The following TYW2 variants were observed in gnomAD, a reference collection of about 807,000 sequenced individuals.
TYW2 encodes tRNA wybutosine-synthesizing protein 2.
chr8:124,450,831 C>A, the TYW2 span: 1 of 1,427,700 alleles, frequency 7.0e-7, no homozygotes. Flanking sequence ...TTTCCGGCAC[C>A]GGCATGGCCG....
the TYW2 span, chr8:124,452,389 A>G: frequency 1.3e-5 from 14 of 1,050,512 alleles, no homozygotes; most frequent in Middle Eastern, 3.1e-4. Context: ...TTCATATTTT[A>G]TAGCCCTGAA....
the TYW2 span, chr8:124,452,385 T>C: frequency 5.5e-6 from 6 of 1,092,532 alleles, no homozygotes; most frequent in African/African-American, 6.4e-5. Flanking sequence ...TTTTTTCATA[T>C]TTTATAGCCC....
At chr8:124,451,268 G>A in the TYW2 span, 2 of 1,614,186 alleles carry the variant, frequency 1.2e-6, no homozygotes, top group African/African-American at 2.7e-5. Flanking sequence ...GTGAGTCGCT[G>A]GGTGGAGGGT....
chr8:124,450,856 T>C, the TYW2 span: 2 of 1,527,900 alleles, frequency 1.3e-6, no homozygotes, highest in Non-Finnish European at 1.8e-6. Context: ...AGCTGCAGGC[T>C]ACCTTATTTA....
At chr8:124,451,297 G>A in the TYW2 span, 1 of 1,614,216 alleles carries the variant, frequency 6.2e-7, no homozygotes, top group Non-Finnish European at 8.5e-7. Flanking sequence ...CAAGTGGTCA[G>A]CCGAGTTGGA....
the TYW2 span, chr8:124,451,335 GCA>G: frequency 8.1e-6 from 13 of 1,614,202 alleles, no homozygotes; most frequent in Non-Finnish European, 1.1e-5. Context: ...CATGGCAACG[GCA>G]TGGTAATCTC....
At chr8:124,452,157 G>T in the TYW2 span, 3 of 1,614,242 alleles carry the variant, frequency 1.9e-6, no homozygotes, top group Admixed American at 5.0e-5. Context: ...TTCAGCAGGT[G>T]CATGGGAAAC....
the TYW2 span, chr8:124,452,211 T>C: frequency 2.7e-5 from 44 of 1,614,204 alleles, no homozygotes; most frequent in East Asian, 9.6e-4. Context: ...TGAAATCCTA[T>C]GCTCCCCATG....
chr8:124,452,057 G>C, the TYW2 span: 2 of 1,614,220 alleles, frequency 1.2e-6, no homozygotes, highest in South Asian at 2.2e-5. Flanking sequence ...GGAGCTACCA[G>C]GGATTCTAGG....
chr8:124,451,972 G>A, the TYW2 span: 49 of 1,614,052 alleles, frequency 3.0e-5, 1 homozygote, highest in African/African-American at 1.5e-4. Context: ...GAATCTTCAG[G>A]CTCTTGGAGT....
chr8:124,452,705 T>C, the TYW2 span: 1 of 173,156 alleles, frequency 5.8e-6, no homozygotes, highest in Non-Finnish European at 1.4e-5. Context: ...GGCTACCATA[T>C]AGAAAATTGA....
chr8:124,451,752 A>G, the TYW2 span: 1 of 1,614,116 alleles, frequency 6.2e-7, no homozygotes, highest in Non-Finnish European at 8.5e-7. Flanking sequence ...TTGCTCTGAG[A>G]AATAACCTTG....
At chr8:124,451,248 G>T in the TYW2 span, 1 of 1,614,066 alleles carries the variant, frequency 6.2e-7, no homozygotes, top group Non-Finnish European at 8.5e-7. Flanking sequence ...CCCAAAAATT[G>T]TGTCTTGAGG....
chr8:124,450,899 C>T, the TYW2 span: 2 of 1,592,888 alleles, frequency 1.3e-6, no homozygotes, highest in South Asian at 2.3e-5. Context: ...GGTGAGCCGA[C>T]TCTGAGGAGA....
At chr8:124,452,658 T>C in the TYW2 span, 4 of 185,640 alleles carry the variant, frequency 2.2e-5, no homozygotes, top group Admixed American at 2.3e-4. Context: ...TCGGTTATTT[T>C]AGAGTGAAAG....
the TYW2 span, chr8:124,451,285 G>T: frequency 8.7e-6 from 14 of 1,614,062 alleles, no homozygotes; most frequent in Admixed American, 2.3e-4. Flanking sequence ...GGGTCGGGGA[G>T]TCAAGTGGTC....
the TYW2 span, chr8:124,451,637 T>A: frequency 6.2e-7 from 1 of 1,614,198 alleles, no homozygotes; most frequent in Non-Finnish European, 8.5e-7. Context: ...GCTGGAGAAG[T>A]GCTGGTGGAT....
At chr8:124,451,444 T>G in the TYW2 span, 1 of 1,614,142 alleles carries the variant, frequency 6.2e-7, no homozygotes, top group South Asian at 1.1e-5. Context: ...CGTCCAGCGT[T>G]TGGCAAAACG....
chr8:124,452,441 A>G, the TYW2 span: 1 of 660,112 alleles, frequency 1.5e-6, no homozygotes, highest in Non-Finnish European at 2.5e-6. Context: ...TTTGTCTTTC[A>G]TTGATAACAG....
Sources: gnomAD v4.1 joint callset for allele counts on GRCh38, gnomAD v4.1.1 for gene constraint, MANE v1.5 for transcripts, NCBI Gene and HGNC (gene_info 2026-07-23, HGNC 2026-07-21) for gene names.